Variants in KAZN observed in about 807,000 individuals in gnomAD.
KAZN encodes the protein kazrin, periplakin interacting protein.
A neutral mutation model predicts 87.4 loss-of-function variants in KAZN; 40 were observed. That is an observed-to-expected ratio of 0.46 (90% CI 0.36 to 0.60). KAZN has a LOEUF of 0.60. Ranked by LOEUF, KAZN falls within the 20% of genes least tolerant of loss-of-function variation. KAZN has a pLI of 0.00. For synonymous variants in KAZN, 466 were observed against 458.3 expected (o/e 1.02, Z -0.22); for missense variants, 898 against 1,073.9 (o/e 0.84, Z 2.29).
rs559119110 is a variant in KAZN, at chr1:13,900,640, G to C, written c.91+6884G>C. On this transcript the variant is annotated intron_variant, in intron 1 of 16. Transcript: ENST00000636203. The stretch of plus-strand genomic sequence containing the variant: ...TATTTCTCCAGAGACCTATTTGTCA[G>C]AGGCAGGGGCATGTGATTTTTAGTA... Among the ~76,000 whole-genome samples, 13 of 152,306 alleles carry C rather than the reference G, an allele frequency of 8.5e-5. 1 individual carries two copies. Among genetic ancestry groups the C allele is most frequent in the African/African-American group, 3.1e-4 (13 of 41,564 alleles).
chr1:13,958,340 G>A (rs1458466941), intron 1 of KAZN, among the ~76,000 whole-genome samples: 1 of 152,142 alleles, frequency 6.6e-6, no homozygotes, highest in Non-Finnish European at 1.5e-5. Context: ...GGAGGCCGAG[G>A]CGGGCGGATC....
chr1:14,759,701 G>T (rs1428664718), intron 1 of KAZN, among the ~76,000 whole-genome samples: 1 of 152,162 alleles, frequency 6.6e-6, no homozygotes, highest in Non-Finnish European at 1.5e-5. Flanking sequence ...AAGAGCAGAG[G>T]ATGCGATCTG....
chr1:14,055,333 G>T (rs950406956), intron 1 of KAZN, among the ~76,000 whole-genome samples: 1 of 152,192 alleles, frequency 6.6e-6, no homozygotes. Flanking sequence ...CATCATTGTT[G>T]CAGGGAAGGG....
At chr1:14,978,768 T>C (rs528908366) in intron 2 of KAZN, among the ~76,000 whole-genome samples, 4 of 152,184 alleles carry the variant, frequency 2.6e-5, no homozygotes, top group Admixed American at 6.5e-5. Flanking sequence ...AGGCAGTCTT[T>C]CTGAGCTGCT....
intron 8 of KAZN, among the ~76,000 whole-genome samples, chr1:15,069,545 T>C (rs1226843778): frequency 6.6e-6 from 1 of 152,248 alleles, no homozygotes; most frequent in East Asian, 1.9e-4. Context: ...GAGAATGGCA[T>C]GAACCCGGGA....
chr1:13,974,801 G>A (rs1638245735), intron 1 of KAZN, among the ~76,000 whole-genome samples: 2 of 152,126 alleles, frequency 1.3e-5, no homozygotes, highest in Admixed American at 6.5e-5. Context: ...CCTATTTTGT[G>A]GCAGTTTGTA....
At chr1:14,180,668 A>C in intron 2 of KAZN, 6 of 1,224,464 alleles carry the variant, frequency 4.9e-6, no homozygotes, top group Non-Finnish European at 6.8e-6. Flanking sequence ...CTGTCCAAAA[A>C]TGTTCAACTA....
chr1:14,325,292 G>A (rs1273092588), intron 2 of KAZN, among the ~76,000 whole-genome samples: 2 of 152,156 alleles, frequency 1.3e-5, no homozygotes, highest in African/African-American at 4.8e-5. Context: ...TAGAGTTGCA[G>A]TCATCTAAAT....
chr1:14,366,899 CGAATG>C (rs1409720876), intron 2 of KAZN, among the ~76,000 whole-genome samples: 2 of 152,176 alleles, frequency 1.3e-5, no homozygotes, highest in African/African-American at 4.8e-5. Context: ...GTCTCACAAA[CGAATG>C]GAAGGGCAGT....
chr1:14,404,993 T>C lies in KAZN; in HGVS notation c.250-193990T>C, dbSNP rs566487409. Among the ~76,000 whole-genome samples the C allele has an allele frequency of 2.0e-5, 3 of 152,332 alleles. No individual in the cohort carries two copies. In the East Asian group the frequency reaches 5.8e-4, roughly 29 times the overall value. On this transcript the variant is annotated intron_variant, in intron 2 of 16. Transcript: ENST00000636203. Reference sequence around the variant, plus strand: ...CCTGGAATTCTATGCCTTTGTGCATTCTTTATGTTTTCTACATTGCATTAA... The same window carrying C: ...CCTGGAATTCTATGCCTTTGTGCATCCTTTATGTTTTCTACATTGCATTAA...
intron 1 of KAZN, among the ~76,000 whole-genome samples, chr1:14,727,915 G>T (rs898678195): frequency 6.6e-6 from 1 of 152,002 alleles, no homozygotes; most frequent in South Asian, 2.1e-4. Flanking sequence ...AGATCATCAG[G>T]CACTGGATTC....
chr1:14,369,952 G>T (rs1024475459), intron 2 of KAZN, among the ~76,000 whole-genome samples: 1 of 152,134 alleles, frequency 6.6e-6, no homozygotes, highest in Non-Finnish European at 1.5e-5. Context: ...CTGCCTGCTG[G>T]GATTACATGC....
chr1:14,672,189 T>A (rs1446859618), intron 1 of KAZN, among the ~76,000 whole-genome samples: 2 of 152,176 alleles, frequency 1.3e-5, no homozygotes, highest in African/African-American at 4.8e-5. Flanking sequence ...AAGGAGCACC[T>A]CTGAGCTCAT....
At chr1:14,132,353 G>A (rs569143249) in intron 1 of KAZN, among the ~76,000 whole-genome samples, 1 of 152,232 alleles carries the variant, frequency 6.6e-6, no homozygotes, top group Admixed American at 6.5e-5. Context: ...AGGTGCTTGA[G>A]CGTGATACTA....
intron 1 of KAZN, among the ~76,000 whole-genome samples, chr1:14,602,306 G>A (rs1017774937): frequency 2.6e-5 from 4 of 152,196 alleles, no homozygotes; most frequent in Non-Finnish European, 5.9e-5. Context: ...AAGAATTCCT[G>A]GCAGCCAGCC....
At position 14,880,649 on chromosome 1, in the gene KAZN, G is replaced by A. The variant is rs192423434; in HGVS notation, c.227-80035G>A. Among the ~76,000 whole-genome samples, 78 of 152,264 alleles carry A rather than the reference G, an allele frequency of 5.1e-4. 1 individual carries two copies. Among genetic ancestry groups the A allele is most frequent in the East Asian group, 4.6e-3 (24 of 5,174 alleles). On this transcript the variant is annotated intron_variant, in intron 1 of 14. Coordinates refer to ENST00000376030, the MANE Select transcript of KAZN (RefSeq NM_201628.3). Reference sequence around the variant, plus strand: ...CTCTTCCAAGATGATGACTTCACTCGTCTAAATAAGTGGGCTGTTGACCCA... The same window carrying A: ...CTCTTCCAAGATGATGACTTCACTCATCTAAATAAGTGGGCTGTTGACCCA...
intron 10 of KAZN, among the ~76,000 whole-genome samples, chr1:15,095,873 C>T (rs1220534179): frequency 6.6e-6 from 1 of 152,036 alleles, no homozygotes; most frequent in African/African-American, 2.4e-5. Flanking sequence ...CTCGGCATGA[C>T]TCTAGGGTGG....
intron 2 of KAZN, among the ~76,000 whole-genome samples, chr1:14,521,181 G>C (rs1389075911): frequency 6.6e-6 from 1 of 152,148 alleles, no homozygotes; most frequent in Non-Finnish European, 1.5e-5. Context: ...TAAAGATCAG[G>C]CTTGGGGGCA....
chr1:15,065,567 C>T lies in KAZN; in HGVS notation c.1099-63C>T, dbSNP rs542539739. 6.7e-5 allele frequency: 96 copies of T among 1,435,512 alleles called. No individual in the cohort carries two copies. In the East Asian group the frequency reaches 2.1e-3, roughly 32 times the overall value. The allele number at this position is 1,435,512 out of a possible 1,614,324, so 88.9% of individuals were successfully genotyped here. The stretch of plus-strand genomic sequence containing the variant: ...GGATCCCATCCACTGCAGTCTGCAC[C>T]CCAGCTAAGCTTGGCTTTCTTCTTC... On this transcript the variant is annotated intron_variant, in intron 7 of 14. Coordinates refer to ENST00000376030, the MANE Select transcript of KAZN (RefSeq NM_201628.3).
Sources: gnomAD v4.1 joint callset for allele counts (sites outside exome capture counted in the v4.1 genomes callset) on GRCh38, gnomAD v4.1.1 for gene constraint, MANE v1.5 for transcripts, NCBI Gene and HGNC (gene_info 2026-07-23, HGNC 2026-07-21) for gene names.